PTPRT: variants seen among roughly 807,000 people sequenced by gnomAD.
PTPRT encodes protein tyrosine phosphatase receptor type T.
A neutral mutation model predicts 176.8 loss-of-function variants in PTPRT; 56 were observed. That is an observed-to-expected ratio of 0.32 (90% CI 0.26 to 0.40). The LOEUF (loss-of-function observed/expected upper bound fraction) is 0.40. Ranked by LOEUF, PTPRT falls within the 10% of genes least tolerant of loss-of-function variation. The probability of loss-of-function intolerance (pLI) is 1.00; values close to 1 mark genes in which losing one functional copy is unlikely to be tolerated. For missense variants in PTPRT, 1,540 were observed against 1,908.2 expected (o/e 0.81, Z 3.60); for synonymous variants, 783 against 739.0 (o/e 1.06, Z -0.96).
intron 9 of PTPRT, among the ~76,000 whole-genome samples, chr20:42,438,369 A>G (rs2059281723): frequency 6.6e-6 from 1 of 152,168 alleles, no homozygotes; most frequent in Non-Finnish European, 1.5e-5. Flanking sequence ...CACTGAAATG[A>G]AAGAAAGTTT....
chr20:42,243,181 T>C (rs1293943107), intron 14 of PTPRT, among the ~76,000 whole-genome samples: 1 of 151,894 alleles, frequency 6.6e-6, no homozygotes, highest in Admixed American at 6.5e-5. Context: ...TGTTTGTTGA[T>C]GGGATAGGAG....
At chr20:42,727,074 C>T (rs1369579343) in intron 6 of PTPRT, among the ~76,000 whole-genome samples, 2 of 152,136 alleles carry the variant, frequency 1.3e-5, no homozygotes, top group Non-Finnish European at 2.9e-5. Context: ...CTGATCACGA[C>T]GCCCATCTTT....
intron 11 of PTPRT, among the ~76,000 whole-genome samples, chr20:42,327,429 A>C (rs1278160195): frequency 6.6e-6 from 1 of 152,078 alleles, no homozygotes; most frequent in Non-Finnish European, 1.5e-5. Flanking sequence ...AATGTGACCT[A>C]TATATTAGAT....
chr20:43,111,546 G>GAAAA (rs11424029), intron 1 of PTPRT, among the ~76,000 whole-genome samples: 32 of 83,334 alleles, frequency 3.8e-4, no homozygotes, highest in Non-Finnish European at 5.3e-4. Flanking sequence ...TCCGTCTCAG[G>GAAAA]AAAAAAAAAA....
chr20:42,332,739 C>T (rs899183915), intron 11 of PTPRT, among the ~76,000 whole-genome samples: 11 of 151,746 alleles, frequency 7.2e-5, no homozygotes, highest in Non-Finnish European at 1.6e-4. Context: ...CAAGTGAAAA[C>T]TAGAATTTGG....
intron 18 of PTPRT, among the ~76,000 whole-genome samples, chr20:42,129,058 A>G (rs1466452722): frequency 6.6e-6 from 1 of 152,110 alleles, no homozygotes; most frequent in African/African-American, 2.4e-5. Flanking sequence ...TTTCGTCATT[A>G]CCTAACTGGA....
intron 2 of PTPRT, among the ~76,000 whole-genome samples, chr20:42,826,435 A>G (rs1181540919): frequency 1.3e-5 from 2 of 152,212 alleles, no homozygotes; most frequent in South Asian, 4.1e-4. Context: ...TTTAGTGCCA[A>G]TCTCTTAAAT....
At chr20:42,734,396 CA>C (rs1471553490) in intron 6 of PTPRT, among the ~76,000 whole-genome samples, 1 of 152,158 alleles carries the variant, frequency 6.6e-6, no homozygotes, top group African/African-American at 2.4e-5. Context: ...TGAGAGTCTC[CA>C]ATAGCATCAT....
intron 2 of PTPRT, among the ~76,000 whole-genome samples, chr20:42,825,149 T>C (rs2077969932): frequency 6.6e-6 from 1 of 152,096 alleles, no homozygotes; most frequent in African/African-American, 2.4e-5. Flanking sequence ...AGCAATTTGA[T>C]AATACGTATC....
At chr20:42,689,201 C>A (rs556104483) in intron 6 of PTPRT, among the ~76,000 whole-genome samples, 1 of 152,320 alleles carries the variant, frequency 6.6e-6, no homozygotes, top group South Asian at 2.1e-4. Context: ...AAACCCAAGA[C>A]CTTAGTGGGC....
chr20:42,885,159 AATAAT>A lies in PTPRT; in HGVS notation c.214+643_214+647del, dbSNP rs556251008. The stretch of plus-strand genomic sequence containing the variant: ...TAATAATAATATAATAATATATAAT[AATAAT>A]ATATTATATAATAATATGACCTTAT... On this transcript the variant is annotated intron_variant, in intron 2 of 30. Coordinates refer to ENST00000373187, the MANE Select transcript of PTPRT (RefSeq NM_007050.6). 8.3e-3 allele frequency among the ~76,000 whole-genome samples: 1,227 copies of A among 147,476 alleles called. 6 individuals carry two copies. Among genetic ancestry groups the A allele is most frequent in the African/African-American group, 0.013 (534 of 40,670 alleles).
At position 42,789,283 on chromosome 20, in the gene PTPRT, G is replaced by A. The variant is rs6030470; in HGVS notation, c.486+1912C>T. ...TTGGATACGTTGGTTTAAGTAAAAT[G>A]TATTACTAAAATTAATTTCACTGAT... On this transcript the variant is annotated intron_variant, in intron 3 of 30. Coordinates refer to ENST00000373187, the MANE Select transcript of PTPRT (RefSeq NM_007050.6). 9.5e-4 allele frequency among the ~76,000 whole-genome samples: 145 copies of A among 152,330 alleles called. 1 individual carries two copies. The highest frequency in any genetic ancestry group is 3.2e-3 in the African/African-American group (135 of 41,572).
chr20:42,366,172 C>T (rs767097711), intron 9 of PTPRT, among the ~76,000 whole-genome samples: 1 of 152,192 alleles, frequency 6.6e-6, no homozygotes, highest in African/African-American at 2.4e-5. Context: ...TAGTGGACAC[C>T]TAATTAATGC....
intron 1 of PTPRT, among the ~76,000 whole-genome samples, chr20:42,926,843 A>G (rs1178386827): frequency 6.6e-6 from 1 of 152,194 alleles, no homozygotes. Flanking sequence ...ATGCATCCCC[A>G]AGAAAGGACG....
intron 13 of PTPRT, chr20:42,270,539 C>A: frequency 8.5e-7 from 1 of 1,180,982 alleles, no homozygotes; most frequent in Non-Finnish European, 1.2e-6. Context: ...GCACGGTGAA[C>A]AAAACTGCAA....
intron 7 of PTPRT, among the ~76,000 whole-genome samples, chr20:42,657,585 T>C (rs550634433): frequency 6.6e-6 from 1 of 152,312 alleles, no homozygotes; most frequent in South Asian, 2.1e-4. Flanking sequence ...GAAAAATCTG[T>C]GCTTCAATGA....
chr20:42,664,391 G>C (rs1488116728), intron 7 of PTPRT, among the ~76,000 whole-genome samples: 1 of 152,064 alleles, frequency 6.6e-6, no homozygotes, highest in Non-Finnish European at 1.5e-5. Context: ...TTTCTATGTA[G>C]TAAAATGTGT....
At chr20:42,764,974 TACTGGGCGA>T (rs1416967399) in intron 5 of PTPRT, among the ~76,000 whole-genome samples, 2 of 152,184 alleles carry the variant, frequency 1.3e-5, no homozygotes, top group African/African-American at 4.8e-5. Context: ...GAAACAGGTT[TACTGGGCGA>T]ACCGGCTGCA....
At chr20:42,990,416 G>C (rs539655492) in intron 1 of PTPRT, among the ~76,000 whole-genome samples, 17 of 152,196 alleles carry the variant, frequency 1.1e-4, no homozygotes, top group Admixed American at 5.2e-4. Flanking sequence ...TGGTGCATGG[G>C]ATTTAGGGTT....
Sources: gnomAD v4.1 joint callset for allele counts (sites outside exome capture counted in the v4.1 genomes callset) on GRCh38, gnomAD v4.1.1 for gene constraint, MANE v1.5 for transcripts, NCBI Gene and HGNC (gene_info 2026-07-23, HGNC 2026-07-21) for gene names.